Variants in KATNIP observed in about 807,000 individuals in gnomAD.
KATNIP encodes the protein katanin interacting protein.
KATNIP carries 126 observed loss-of-function variants against 174.0 expected under a neutral mutation model. The ratio of observed to expected loss-of-function variants is 0.72; its 90% CI spans 0.63 to 0.84. KATNIP has a LOEUF of 0.84. Ranked by LOEUF, KATNIP falls within the 40% of genes least tolerant of loss-of-function variation. The pLI is 0.00. For synonymous variants in KATNIP, 810 were observed against 835.7 expected (o/e 0.97, Z 0.53); for missense variants, 1,958 against 2,109.7 (o/e 0.93, Z 1.41).
Position 27,665,757 on chromosome 16 carries a change from C to T in KATNIP, c.541-11972C>T, listed in dbSNP as rs561989933. 7.0e-4 allele frequency among the ~76,000 whole-genome samples: 106 copies of T among 151,860 alleles called. 1 individual carries two copies. Among genetic ancestry groups the T allele is most frequent in the African/African-American group, 2.4e-3 (99 of 41,430 alleles). ...CTGGGACTACAGGCGTGTGCCACCACGCCCGGCTAATTTTTGTATTTTTAG... is the reference window on the plus strand; with the variant it reads ...CTGGGACTACAGGCGTGTGCCACCATGCCCGGCTAATTTTTGTATTTTTAG... On this transcript the variant is annotated intron_variant, in intron 6 of 27. Transcript: ENST00000261588.
At chr16:27,729,323 A>G (rs1279145387) in intron 14 of KATNIP, among the ~76,000 whole-genome samples, 1 of 152,182 alleles carries the variant, frequency 6.6e-6, no homozygotes, top group African/African-American at 2.4e-5. Context: ...CAGCCCCCGC[A>G]GAAAGAGACT....
chr16:27,603,336 G>A (rs868815319), intron 2 of KATNIP, among the ~76,000 whole-genome samples: 1 of 152,152 alleles, frequency 6.6e-6, no homozygotes, highest in African/African-American at 2.4e-5. Context: ...GTTTGGGGAA[G>A]GGCTATTATT....
At chr16:27,581,707 A>G (rs920869539) in intron 2 of KATNIP, among the ~76,000 whole-genome samples, 2 of 152,258 alleles carry the variant, frequency 1.3e-5, no homozygotes, top group African/African-American at 2.4e-5. Flanking sequence ...AGTATACACT[A>G]CACCTAATTT....
chr16:27,719,655 A>AC (rs1321588053), intron 13 of KATNIP, among the ~76,000 whole-genome samples: 1 of 149,836 alleles, frequency 6.7e-6, no homozygotes, highest in African/African-American at 2.5e-5. Context: ...TGCTGGGATT[A>AC]CAGGTATGAG....
At chr16:27,572,732 G>T (rs1022815733) in intron 1 of KATNIP, among the ~76,000 whole-genome samples, 1 of 152,206 alleles carries the variant, frequency 6.6e-6, no homozygotes, top group African/African-American at 2.4e-5. Context: ...GAGGAGGGCA[G>T]TTTAGGGTAT....
At chr16:27,566,647 C>T (rs1210450048) in intron 1 of KATNIP, among the ~76,000 whole-genome samples, 9 of 152,298 alleles carry the variant, frequency 5.9e-5, no homozygotes, top group Non-Finnish European at 8.8e-5. Context: ...GGGGCAAGCA[C>T]GCTGAGCATA....
In KATNIP at chr16:27,777,522, C is replaced by A; in HGVS notation, c.4552-88C>A. 10 of 1,313,774 alleles carry A rather than the reference C, an allele frequency of 7.6e-6. No individual in the cohort carries two copies. The highest frequency in any genetic ancestry group is 1.0e-5 in the Non-Finnish European group (10 of 961,942). 81.4% of individuals were successfully genotyped at this position (1,313,774 alleles called of 1,614,324 possible). ...CAGCCCCGTCTTCCCGAGGAGAAAGCCTTGGCTCAGAGCAGTAACGCGTTC... is the reference window on the plus strand; with the variant it reads ...CAGCCCCGTCTTCCCGAGGAGAAAGACTTGGCTCAGAGCAGTAACGCGTTC... On this transcript the variant is annotated intron_variant, in intron 25 of 27. Transcript: ENST00000261588. The surrounding 1 kb of genome is among the most constrained non-coding windows in gnomAD (Gnocchi z 4.4).
At chr16:27,760,990 A>C (rs1359772414) in intron 18 of KATNIP, among the ~76,000 whole-genome samples, 1 of 152,188 alleles carries the variant, frequency 6.6e-6, no homozygotes, top group Non-Finnish European at 1.5e-5. Context: ...AGAGAGAGGA[A>C]TATAAATACG....
intron 1 of KATNIP, among the ~76,000 whole-genome samples, chr16:27,554,583 T>C (rs1328108778): frequency 6.6e-6 from 1 of 152,174 alleles, no homozygotes; most frequent in Non-Finnish European, 1.5e-5. Flanking sequence ...TACAGTCCAT[T>C]TTCAGGAAGG....
At chr16:27,763,289 A>AAAAAAAT (rs756587079) in intron 19 of KATNIP, among the ~76,000 whole-genome samples, 2 of 151,448 alleles carry the variant, frequency 1.3e-5, no homozygotes, top group African/African-American at 4.9e-5. Flanking sequence ...GTCTCTACAA[A>AAAAAAAT]AAAAAATAAA....
At chr16:27,654,618 C>G in intron 6 of KATNIP, 2 of 1,352,076 alleles carry the variant, frequency 1.5e-6, no homozygotes, top group Non-Finnish European at 2.0e-6. Context: ...GATACCAAAT[C>G]TCCCACCAGT....
At chr16:27,612,963 A>G (rs1040588271) in intron 2 of KATNIP, among the ~76,000 whole-genome samples, 1 of 151,844 alleles carries the variant, frequency 6.6e-6, no homozygotes, top group Admixed American at 6.6e-5. Context: ...AAATAAATAA[A>G]AAGAATCTGG....
At chr16:27,778,098 C>G (rs903705591) in intron 27 of KATNIP, 129 bp downstream of exon 27, 4 of 783,112 alleles carry the variant, frequency 5.1e-6, no homozygotes, top group African/African-American at 3.5e-5. Context: ...TGCCCAGGAG[C>G]CTGCCCAAAG....
chr16:27,635,189 A>T (rs1488347353), intron 5 of KATNIP, among the ~76,000 whole-genome samples: 1 of 152,260 alleles, frequency 6.6e-6, no homozygotes, highest in Non-Finnish European at 1.5e-5. Context: ...GAATAATGGG[A>T]ATGCTAATGG....
At chr16:27,623,132 C>G (rs899693712) in intron 3 of KATNIP, among the ~76,000 whole-genome samples, 1 of 152,162 alleles carries the variant, frequency 6.6e-6, no homozygotes, top group Admixed American at 6.5e-5. Context: ...CCCCCAGTTG[C>G]GAGCCAGTGC....
At chr16:27,680,644 T>G (rs1244435234) in intron 7 of KATNIP, among the ~76,000 whole-genome samples, 1 of 147,472 alleles carries the variant, frequency 6.8e-6, no homozygotes, top group Non-Finnish European at 1.5e-5. Flanking sequence ...TGCCACAGCC[T>G]CCAGAGTAGC....
At chr16:27,756,208 A>AT (rs1251227875) in intron 18 of KATNIP, among the ~76,000 whole-genome samples, 1 of 152,192 alleles carries the variant, frequency 6.6e-6, no homozygotes, top group East Asian at 1.9e-4. Context: ...ATGACCAATG[A>AT]TCTCTTAGAA....
intron 8 of KATNIP, among the ~76,000 whole-genome samples, chr16:27,691,095 C>T (rs1209535654): frequency 1.3e-5 from 2 of 152,120 alleles, no homozygotes; most frequent in South Asian, 2.1e-4. Flanking sequence ...TTCGCCATTT[C>T]GGTGGCTTCC....
At position 27,740,704 on chromosome 16, in the gene KATNIP, G is replaced by C. The variant is rs888338650; in HGVS notation, c.2407G>C (p.Ala803Pro). ...CGGTGAGGGTCCTGGAGAGACCGAG[G>C]CCAGGGATAAAGGCCTACGGCATGA... ...VIGEGPGETE[A>P]RDKGLRHEPG... Residue 803 changes from alanine to proline, a missense_variant, in exon 15 of 28, where the codon GCC (alanine) becomes CCC (proline). By Grantham distance (27) the Ala-to-Pro change is conservative. Around this residue, in one of 3 missense-constraint regions of KATNIP, gnomAD observed 1,557 missense variants for 1,617.8 expected, o/e 0.96. Transcript: ENST00000261588. 3 of 1,614,074 alleles carry C rather than the reference G, an allele frequency of 1.9e-6. No individual in the cohort carries two copies. In the African/African-American group the frequency reaches 4.0e-5, roughly 22 times the overall value.
Sources: allele counts gnomAD v4.1 joint callset (sites outside exome capture counted in the v4.1 genomes callset), GRCh38; gene constraint gnomAD v4.1.1; regional missense constraint gnomAD v4.1.1; non-coding constraint Gnocchi (gnomAD v3.1); transcripts MANE v1.5; gene names NCBI Gene and HGNC (gene_info 2026-07-23, HGNC 2026-07-21).